The following INPP5D variants were observed in gnomAD, a reference collection of about 807,000 sequenced individuals.
INPP5D encodes the protein phosphatidylinositol 3,4,5-trisphosphate 5-phosphatase 1.
A neutral mutation model predicts 122.9 loss-of-function variants in INPP5D; 33 were observed. That is an observed-to-expected ratio of 0.27 (90% confidence interval 0.20 to 0.36). The LOEUF is 0.36. Ranked by LOEUF, INPP5D falls within the 10% of genes least tolerant of loss-of-function variation. INPP5D has a pLI of 1.00. For synonymous variants in INPP5D, 584 were observed against 576.2 expected (o/e 1.01, Z -0.19); for missense variants, 1,053 against 1,412.7 (o/e 0.75, Z 4.08).
Position 233,189,855 on chromosome 2 carries a change from G to A in INPP5D, c.2364G>A (p.Lys788=). 1.9e-6 allele frequency: 3 copies of A among 1,613,224 alleles called. No individual in the cohort carries two copies. Among genetic ancestry groups the A allele is most frequent in the Non-Finnish European group, 2.5e-6 (3 of 1,179,520 alleles). The change falls in exon 22 of 27, where the codon AAG becomes AAA. Residue 788 remains lysine (K), a synonymous_variant. Transcript: ENST00000445964. This position sits in a 1 kb window ranked among gnomAD's most constrained non-coding sequence, Gnocchi z 5.6. The part of the protein sequence containing the change: ...VKFGETLPKL[K]PIISDPEYLL... The stretch of plus-strand genomic sequence containing the variant: ...CTGTGCCCTTCTCTCTGCAGCTGAA[G>A]CCCATTATCTCTGACCCTGAGTACC...
At chr2:233,127,671 C>T (rs199573251) in intron 4 of INPP5D, among the ~76,000 whole-genome samples, 2 of 152,194 alleles carry the variant, frequency 1.3e-5, no homozygotes, top group African/African-American at 2.4e-5. Flanking sequence ...TGCAAAGGCA[C>T]GATCTCAGCT....
chr2:233,170,662 AG>A lies in INPP5D; in HGVS notation c.1900+60del. 6.3e-7 allele frequency: 1 copy of A among 1,589,034 alleles called. No homozygotes were observed. The highest frequency in any genetic ancestry group is 1.1e-5 in the South Asian group (1 of 89,866). ...CTCACACCTGTAATCCCAGCACTTT[AG>A]GAGGCCGAGGCGGGCGGATCACGAG... On this transcript the variant is annotated intron_variant, in intron 16 of 26. Coordinates refer to ENST00000445964, the MANE Select transcript of INPP5D (RefSeq NM_001017915.3). This position sits in a 1 kb window ranked among gnomAD's most constrained non-coding sequence, Gnocchi z 4.5.
chr2:233,089,988 C>A (rs1691948888), intron 2 of INPP5D, among the ~76,000 whole-genome samples: 1 of 152,210 alleles, frequency 6.6e-6, no homozygotes, highest in Non-Finnish European at 1.5e-5. Context: ...CCAAACAATC[C>A]CCCCGCCCAG....
intron 2 of INPP5D, chr2:233,120,696 T>C (rs1692943808): frequency 6.6e-6 from 1 of 152,292 alleles, no homozygotes. Context: ...GGGCAGGGCC[T>C]GGCAAGAAGG....
At chr2:233,134,115 G>A (rs567331431) in intron 5 of INPP5D, 35 of 428,164 alleles carry the variant, frequency 8.2e-5, no homozygotes, top group African/African-American at 6.1e-4. Flanking sequence ...GGGGCTGAGT[G>A]GATGCTGATG....
chr2:233,070,406 T>C (rs1271826122), intron 1 of INPP5D, among the ~76,000 whole-genome samples: 1 of 152,018 alleles, frequency 6.6e-6, no homozygotes, highest in Non-Finnish European at 1.5e-5. Flanking sequence ...TGACAGAGAC[T>C]TTGGAGCTAA....
intron 2 of INPP5D, among the ~76,000 whole-genome samples, chr2:233,107,905 A>G (rs1371928719): frequency 6.6e-6 from 1 of 152,086 alleles, no homozygotes; most frequent in Non-Finnish European, 1.5e-5. Flanking sequence ...TCCCTTCTGC[A>G]CACTGAGATT....
chr2:233,163,608 C>A, intron 11 of INPP5D, 99 bp from the exon 12 acceptor site: 1 of 1,582,716 alleles, frequency 6.3e-7, no homozygotes. Flanking sequence ...TGTGTAATGA[C>A]GTGACCTCCC....
At chr2:233,065,031 G>A (rs1691173107) in intron 1 of INPP5D, among the ~76,000 whole-genome samples, 1 of 152,212 alleles carries the variant, frequency 6.6e-6, no homozygotes, top group South Asian at 2.1e-4. Context: ...CTTTATCCAA[G>A]GCTGACTGTG....
In INPP5D at chr2:233,105,798, G is replaced by C. The variant is rs1464160051; in HGVS notation, c.199-16309G>C. On this transcript the variant is annotated intron_variant, in intron 2 of 26. Coordinates refer to ENST00000445964, the MANE Select transcript of INPP5D (RefSeq NM_001017915.3). This position sits in a 1 kb window ranked among gnomAD's most constrained non-coding sequence, Gnocchi z 4.0. The stretch of plus-strand genomic sequence containing the variant: ...AGGACAGGCTGCCAGCAAGTGGAGG[G>C]TGCCAGGGAGAGAGTGGCTCTGGGG... 6.6e-6 allele frequency among the ~76,000 whole-genome samples: 1 copy of C among 152,142 alleles called. No individual in the cohort carries two copies. Among genetic ancestry groups the C allele is most frequent in the Non-Finnish European group, 1.5e-5 (1 of 68,020 alleles).
rs1170813082 is a variant in INPP5D, at chr2:233,147,698, G to A, written c.1030+104G>A. On this transcript the variant is annotated intron_variant, in intron 9 of 26. Coordinates refer to ENST00000445964, the MANE Select transcript of INPP5D (RefSeq NM_001017915.3). Reference sequence around the variant, plus strand: ...GGCCTGCCCTGCAGGTCTGTCTTCCGCACGCATGCGCGCCTGCGCTCATGC... The same window carrying A: ...GGCCTGCCCTGCAGGTCTGTCTTCCACACGCATGCGCGCCTGCGCTCATGC... 7.0e-5 allele frequency: 46 copies of A among 656,398 alleles called. 1 individual carries two copies. The highest frequency in any genetic ancestry group is 3.6e-4 in the South Asian group (22 of 61,046). 40.7% of individuals were successfully genotyped at this position (656,398 alleles called of 1,614,324 possible).
At chr2:233,089,883 G>A (rs1341270418) in intron 2 of INPP5D, among the ~76,000 whole-genome samples, 2 of 152,216 alleles carry the variant, frequency 1.3e-5, no homozygotes, top group African/African-American at 4.8e-5. Context: ...AACTTCTACA[G>A]TGCAAGGAGC....
At chr2:233,109,559 T>C (rs2106241816) in intron 2 of INPP5D, among the ~76,000 whole-genome samples, 1 of 149,422 alleles carries the variant, frequency 6.7e-6, no homozygotes, top group Admixed American at 6.6e-5. Context: ...TTAGGCAAGA[T>C]GGTTTTTTTC....
chr2:233,115,401 A>ATGACTTTCCTGGATGGTG (rs926870404), intron 2 of INPP5D, among the ~76,000 whole-genome samples: 3 of 152,194 alleles, frequency 2.0e-5, no homozygotes, highest in Admixed American at 1.3e-4. Flanking sequence ...AGCCTGTGCA[A>ATGACTTTCCTGGATGGTG]TGACTTTCCT....
intron 9 of INPP5D, among the ~76,000 whole-genome samples, chr2:233,148,294 A>ATGGATGATCTGTCAATACAG (rs368902436): frequency 0.51 from 77,443 of 151,882 alleles, 20,455 homozygotes; most frequent in East Asian, 0.66. Context: ...GAATGATCAG[A>ATGGATGATCTGTCAATACAG]TGGATGATCC....
At chr2:233,120,966 G>T (rs1574743097) in intron 2 of INPP5D, among the ~76,000 whole-genome samples, 2 of 151,654 alleles carry the variant, frequency 1.3e-5, no homozygotes, top group East Asian at 1.9e-4. Context: ...TTTTTCCTGT[G>T]TTTTTTTTAA....
chr2:233,171,114 C>T lies in INPP5D; in HGVS notation c.1951C>T (p.Arg651Trp), dbSNP rs1383084629. ...APTYRFERLTRDKYAYTKQKA... is the reference protein window; with the variant it reads ...APTYRFERLTWDKYAYTKQKA... Reference sequence around the variant, plus strand: ...AACCTACCGTTTTGAGAGACTGACTCGGGACAAATACGCCTACACCAAGCA... The same window carrying T: ...AACCTACCGTTTTGAGAGACTGACTTGGGACAAATACGCCTACACCAAGCA... The change falls in exon 17 of 27, where the codon CGG becomes TGG. Residue 651 changes from arginine (R) to tryptophan (W), a missense_variant. By Grantham distance (101) the Arg-to-Trp change is moderately radical. Transcript: ENST00000445964. The T allele has an allele frequency of 1.2e-6, 2 of 1,612,320 alleles. No homozygotes were observed. Among genetic ancestry groups the T allele is most frequent in the Admixed American group, 1.7e-5 (1 of 59,956 alleles).
At chr2:233,081,227 C>T (rs957817597) in intron 2 of INPP5D, among the ~76,000 whole-genome samples, 4 of 152,136 alleles carry the variant, frequency 2.6e-5, no homozygotes, top group African/African-American at 9.7e-5. Context: ...GGGATGTGAG[C>T]AGCGGAGGGG....
chr2:233,067,739 T>G (rs1691266260), intron 1 of INPP5D, among the ~76,000 whole-genome samples: 1 of 152,182 alleles, frequency 6.6e-6, no homozygotes, highest in South Asian at 2.1e-4. Context: ...GGGTGTGAAG[T>G]GATGTCTTAT....
Sources: allele counts gnomAD v4.1 joint callset (sites outside exome capture counted in the v4.1 genomes callset), GRCh38; gene constraint gnomAD v4.1.1; non-coding constraint Gnocchi (gnomAD v3.1); transcripts MANE v1.5; gene names NCBI Gene and HGNC (gene_info 2026-07-23, HGNC 2026-07-21).